The following NLRP5 variants were observed in gnomAD, a reference collection of about 807,000 sequenced individuals.
NLRP5 encodes NACHT, LRR and PYD domains-containing protein 5.
A neutral mutation model predicts 113.1 loss-of-function variants in NLRP5; 93 were observed. The observed-to-expected ratio is 0.82, with a 90% CI of 0.70 to 0.98. NLRP5 has a LOEUF of 0.98. NLRP5 is among the 50% of genes least tolerant of loss of function. The pLI, the probability that NLRP5 is intolerant of heterozygous loss-of-function variation, is 0.00. For missense variants in NLRP5, 1,808 were observed against 1,514.3 expected (o/e 1.19, Z -3.22); for synonymous variants, 751 against 600.7 (o/e 1.25, Z -3.66).
intron 1 of NLRP5, among the ~76,000 whole-genome samples, chr19:56,001,091 G>A (rs1296000912): frequency 6.6e-6 from 1 of 151,890 alleles, no homozygotes; most frequent in Non-Finnish European, 1.5e-5. Context: ...GGAGGCCAGG[G>A]GTAAGAGGAT....
intron 12 of NLRP5, among the ~76,000 whole-genome samples, chr19:56,052,020 T>C (rs1983948391): frequency 6.6e-6 from 1 of 152,138 alleles, no homozygotes. Context: ...TCTTAGTCAA[T>C]TAGAGACATC....
At chr19:56,054,541 G>A (rs533476801) in intron 13 of NLRP5, among the ~76,000 whole-genome samples, 126 of 143,126 alleles carry the variant, frequency 8.8e-4, no homozygotes, top group Non-Finnish European at 1.4e-3. Flanking sequence ...TTGGGTGACA[G>A]AGTGAGACTC....
upstream of NLRP5, among the ~76,000 whole-genome samples, chr19:55,995,983 A>AT (rs886736967): frequency 8.5e-5 from 13 of 152,160 alleles, no homozygotes; most frequent in Non-Finnish European, 1.6e-4. Context: ...AAAAATCAAC[A>AT]TTTTTGTATG....
intron 1 of NLRP5, among the ~76,000 whole-genome samples, chr19:56,003,474 T>C (rs1243059540): frequency 6.6e-6 from 1 of 152,134 alleles, no homozygotes; most frequent in Admixed American, 6.5e-5. Context: ...TTTTTGAGTA[T>C]GACATACTAG....
At chr19:56,013,153 T>C (rs892832323) in intron 3 of NLRP5, among the ~76,000 whole-genome samples, 3 of 152,172 alleles carry the variant, frequency 2.0e-5, no homozygotes, top group African/African-American at 7.2e-5. Context: ...CACTTTGTTA[T>C]ATTGTGTGAC....
intron 13 of NLRP5, among the ~76,000 whole-genome samples, chr19:56,057,266 T>C (rs1021264056): frequency 1.3e-5 from 2 of 152,194 alleles, no homozygotes; most frequent in African/African-American, 4.8e-5. Flanking sequence ...AGCTTACGGA[T>C]TTTGACATCC....
intron 10 of NLRP5, among the ~76,000 whole-genome samples, chr19:56,039,388 A>C (rs1983435264): frequency 6.6e-6 from 1 of 152,214 alleles, no homozygotes; most frequent in Non-Finnish European, 1.5e-5. Flanking sequence ...CATTCTGGAC[A>C]GCACAGCTCT....
chr19:56,053,224 C>T (rs559595275), intron 12 of NLRP5, among the ~76,000 whole-genome samples: 11 of 152,000 alleles, frequency 7.2e-5, no homozygotes, highest in South Asian at 2.1e-4. Context: ...GGAGAAACCC[C>T]GTCTCTACTA....
chr19:55,989,026 T>G, the NLRP5 span, among the ~76,000 whole-genome samples: 1 of 152,192 alleles, frequency 6.6e-6, no homozygotes, highest in African/African-American at 2.4e-5. Context: ...CCCTAAATAT[T>G]TATAGGAATG....
intron 13 of NLRP5, 129 bp downstream of exon 13, chr19:56,053,937 C>T (rs1984030974): frequency 2.6e-6 from 2 of 761,748 alleles, no homozygotes; most frequent in East Asian, 5.2e-5. Flanking sequence ...GGAGTGCAAC[C>T]TTCGCAGCAC....
chr19:56,033,816 T>C, intron 9 of NLRP5, 107 bp downstream of exon 9: 2 of 953,862 alleles, frequency 2.1e-6, no homozygotes, highest in African/African-American at 3.3e-5. Flanking sequence ...TGGAAAAGTT[T>C]TGGTGATGGA....
At position 56,043,542 on chromosome 19, in the gene NLRP5, C is replaced by CTTT. The variant is rs369622191; in HGVS notation, c.2957+2489_2957+2491dup. Among the ~76,000 whole-genome samples, 103 of 92,872 alleles carry CTTT rather than the reference C, an allele frequency of 1.1e-3. 13 individuals are homozygous for CTTT. Among genetic ancestry groups the CTTT allele is most frequent in the African/African-American group, 1.5e-3 (28 of 18,826 alleles). 60.9% of individuals were successfully genotyped at this position (92,872 alleles called of 152,430 possible). On this transcript the variant is annotated intron_variant, in intron 11 of 14. Coordinates refer to ENST00000390649, the MANE Select transcript of NLRP5 (RefSeq NM_153447.4). The stretch of plus-strand genomic sequence containing the variant: ...TGGATTGTCTGTTTACTCTGCTATT[C>CTTT]TTTTTTTTTTTTTTTTTTTTTTTTT...
chr19:56,017,318 T>G (rs146076287), intron 4 of NLRP5, among the ~76,000 whole-genome samples: 1 of 151,714 alleles, frequency 6.6e-6, no homozygotes, highest in Non-Finnish European at 1.5e-5. Flanking sequence ...TCTGCCTGTT[T>G]TGGGGTGAGT....
At chr19:56,019,180 C>T (rs1982521232) in intron 4 of NLRP5, 162 bp from the exon 5 acceptor site, 1 of 728,074 alleles carries the variant, frequency 1.4e-6, no homozygotes, top group Middle Eastern at 2.5e-4. Flanking sequence ...AATTAGTGCT[C>T]ATTGTACCAG....
chr19:56,031,083 CACTCAGACACGTGGGAAGGTATAA>C (rs978534677), intron 7 of NLRP5, among the ~76,000 whole-genome samples: 82 of 85,282 alleles, frequency 9.6e-4, no homozygotes, highest in Non-Finnish European at 1.9e-3. Context: ...GGAAGGTATA[CACTCAGACACGTGGGAAGGTATAA>C]ACTCAGACAG....
rs1467353157 is a variant in NLRP5, at chr19:55,999,750, C to T, written c.25C>T (p.Leu9Phe). 6.2e-7 allele frequency: 1 copy of T among 1,613,436 alleles called. No individual in the cohort carries two copies. Among genetic ancestry groups the T allele is most frequent in the East Asian group, 2.2e-5 (1 of 44,882 alleles). ...CATGAAGGTTGCAGGAGGACTTGAACTTGGAGCTGCTGCTCTGCTCTCAGC... is the reference window on the plus strand; with the variant it reads ...CATGAAGGTTGCAGGAGGACTTGAATTTGGAGCTGCTGCTCTGCTCTCAGC... The change falls in exon 1 of 15, where the codon CTT becomes TTT. Residue 9 changes from leucine to phenylalanine, a missense_variant. By Grantham distance (22) the Leu-to-Phe change is conservative. Coordinates refer to ENST00000390649, the MANE Select transcript of NLRP5 (RefSeq NM_153447.4).
intron 1 of NLRP5, among the ~76,000 whole-genome samples, chr19:56,001,152 G>GT (rs1246666481): frequency 8.2e-6 from 1 of 121,858 alleles, no homozygotes; most frequent in Non-Finnish European, 1.7e-5. Context: ...GTGACACCTT[G>GT]TCTCTACTTT....
chr19:56,028,042 C>G lies in NLRP5; in HGVS notation c.1809C>G (p.Ile603Met). The change falls in exon 7 of 15, where the codon ATC becomes ATG. Residue 603 changes from isoleucine to methionine, a missense_variant. By Grantham distance (10) the Ile-to-Met change is conservative (BLOSUM62 1). Transcript: ENST00000390649. ...ACTACGTGTTAGAGGGCCTGGAAAT[C>G]GAGCCAGCTCTCTGCCCTCTGTACG... is the stretch of plus-strand genomic sequence containing the variant. 2 of 1,614,002 alleles carry G rather than the reference C, an allele frequency of 1.2e-6. No individual in the cohort carries two copies. Among genetic ancestry groups the G allele is most frequent in the Non-Finnish European group, 1.7e-6 (2 of 1,179,878 alleles).
Position 56,040,975 on chromosome 19 carries a change from T to C in NLRP5, c.2840T>C (p.Leu947Pro), listed in dbSNP as rs202181446. The C allele has an allele frequency of 3.8e-4, 621 of 1,613,862 alleles. No homozygotes were observed. The highest frequency in any genetic ancestry group is 7.0e-4 in the Admixed American group (42 of 59,996). The change falls in exon 11 of 15, where the codon CTC (leucine) becomes CCC (proline). Residue 947 changes from leucine to proline, a missense_variant. By Grantham distance (98) the Leu-to-Pro change is moderately conservative. Transcript: ENST00000390649. ...GGTTGCCAGAGTCTGGCCTCAGCCC[T>C]CGTCAGCAACCGGAGCTTGACACAC...
Sources: allele counts gnomAD v4.1 joint callset (sites outside exome capture counted in the v4.1 genomes callset), GRCh38; gene constraint gnomAD v4.1.1; transcripts MANE v1.5; gene names NCBI Gene and HGNC (gene_info 2026-07-23, HGNC 2026-07-21).